The following CSMD3 variants were observed in gnomAD, a reference collection of about 807,000 sequenced individuals.
CSMD3 encodes CUB and Sushi multiple domains 3.
In CSMD3, 177 loss-of-function variants were observed where a neutral mutation model predicts 435.2. That is an observed-to-expected ratio of 0.41 (90% CI 0.36 to 0.46). The LOEUF (loss-of-function observed/expected upper bound fraction) is 0.46, where lower values mean the gene tolerates loss of function less well. Ranked by LOEUF, CSMD3 falls within the 20% of genes least tolerant of loss-of-function variation. The pLI, the probability that CSMD3 is intolerant of heterozygous loss-of-function variation, is 0.34. For synonymous variants in CSMD3, 1,656 were observed against 1,520.5 expected, an observed-to-expected ratio of 1.09 and a Z score of -2.07; for missense variants, 4,265 against 4,504.6, an observed-to-expected ratio of 0.95 and a Z score of 1.52.
chr8:112,569,470 C>A (rs1406503363), intron 24 of CSMD3, among the ~76,000 whole-genome samples: 1 of 152,104 alleles, frequency 6.6e-6, no homozygotes, highest in Admixed American at 6.6e-5. Flanking sequence ...CTATACTTAG[C>A]AATTACATAA....
At chr8:112,489,099 C>A (rs180739590) in intron 31 of CSMD3, among the ~76,000 whole-genome samples, 140 of 152,194 alleles carry the variant, frequency 9.2e-4, no homozygotes, top group African/African-American at 3.3e-3. Flanking sequence ...ATTACACATA[C>A]TTTAAATACT....
intron 27 of CSMD3, chr8:112,539,360 T>G (rs1160983372): frequency 6.6e-6 from 1 of 152,072 alleles, no homozygotes; most frequent in Non-Finnish European, 1.5e-5. Flanking sequence ...CAGAGTTCAT[T>G]TTTTTATTTA....
intron 13 of CSMD3, among the ~76,000 whole-genome samples, chr8:112,710,137 A>T (rs898753698): frequency 1.3e-5 from 2 of 152,106 alleles, no homozygotes; most frequent in Non-Finnish European, 2.9e-5. Flanking sequence ...CCATAAAGAT[A>T]TGGGGTTTAT....
intron 69 of CSMD3, among the ~76,000 whole-genome samples, chr8:112,230,471 T>C (rs1812982092): frequency 1.3e-5 from 2 of 152,310 alleles, no homozygotes; most frequent in East Asian, 3.9e-4. Context: ...AGTACTGCTA[T>C]GTAAAAGTTC....
intron 11 of CSMD3, among the ~76,000 whole-genome samples, chr8:112,832,712 C>A (rs2079910363): frequency 1.3e-5 from 2 of 152,092 alleles, no homozygotes; most frequent in South Asian, 4.1e-4. Flanking sequence ...TTTGATTTCA[C>A]CCCGGTACAA....
chr8:112,992,558 T>C (rs540137204), intron 6 of CSMD3, among the ~76,000 whole-genome samples: 1 of 151,712 alleles, frequency 6.6e-6, no homozygotes, highest in African/African-American at 2.4e-5. Context: ...GGCATAACTT[T>C]CCACGCAGAA....
intron 1 of CSMD3, among the ~76,000 whole-genome samples, chr8:113,424,699 T>C (rs1402743320): frequency 6.6e-6 from 1 of 151,504 alleles, no homozygotes; most frequent in African/African-American, 2.4e-5. Context: ...ATAAACTAGT[T>C]AATATCAGTT....
intron 35 of CSMD3, among the ~76,000 whole-genome samples, chr8:112,405,246 T>TATATATATATATATATATACACAC (rs1199452249): frequency 1.2e-5 from 1 of 81,530 alleles, no homozygotes; most frequent in African/African-American, 5.3e-5. Flanking sequence ...TATATATATA[T>TATATATATATATATATATACACAC]ACATATATAT....
chr8:113,231,783 T>C (rs546225277), intron 3 of CSMD3, among the ~76,000 whole-genome samples: 1 of 151,588 alleles, frequency 6.6e-6, no homozygotes, highest in East Asian at 1.9e-4. Flanking sequence ...TAAATACCTT[T>C]TCCCTAAAAA....
chr8:112,801,053 A>G (rs1363392218), intron 12 of CSMD3, among the ~76,000 whole-genome samples: 1 of 152,052 alleles, frequency 6.6e-6, no homozygotes, highest in Non-Finnish European at 1.5e-5. Flanking sequence ...AGGAAAGAGG[A>G]AAAAATGGAT....
intron 20 of CSMD3, 119 bp downstream of exon 20, chr8:112,644,990 T>C (rs2074939262): frequency 1.3e-6 from 1 of 744,596 alleles, no homozygotes; most frequent in Non-Finnish European, 2.5e-6. Context: ...TGTTTTAGCA[T>C]ATTGTAGTAC....
intron 13 of CSMD3, among the ~76,000 whole-genome samples, chr8:112,759,785 T>G (rs1385615221): frequency 3.3e-5 from 5 of 152,120 alleles, no homozygotes; most frequent in African/African-American, 1.2e-4. Context: ...GTAATTTTCT[T>G]TGTCAGAATA....
At chr8:113,101,984 T>C (rs2090344230) in intron 4 of CSMD3, among the ~76,000 whole-genome samples, 1 of 152,056 alleles carries the variant, frequency 6.6e-6, no homozygotes, top group Non-Finnish European at 1.5e-5. Context: ...CCTAAGTCAA[T>C]TTAAAAAGAA....
In CSMD3 at chr8:113,370,707, C is replaced by T. The variant is rs181083973; in HGVS notation, c.179-55914G>A. ...TACTATTCATTTCTCAGTTATTTTA[C>T]TTCTCTGGCAATAAATCTCTTCCAT... On this transcript the variant is annotated intron_variant, in intron 1 of 70. Coordinates refer to ENST00000297405, the MANE Select transcript of CSMD3 (RefSeq NM_198123.2). Among the ~76,000 whole-genome samples the T allele has an allele frequency of 2.4e-3, 370 of 151,988 alleles. 2 individuals are homozygous for T. Among genetic ancestry groups the T allele is most frequent in the African/African-American group, 8.6e-3 (358 of 41,520 alleles).
At chr8:112,441,527 C>T (rs1213270076) in intron 32 of CSMD3, among the ~76,000 whole-genome samples, 1 of 152,168 alleles carries the variant, frequency 6.6e-6, no homozygotes, top group Non-Finnish European at 1.5e-5. Flanking sequence ...CAGCACACCA[C>T]TCTTTGTAGT....
chr8:112,851,480 C>T (rs758868106), intron 11 of CSMD3, among the ~76,000 whole-genome samples: 10 of 151,886 alleles, frequency 6.6e-5, no homozygotes, highest in Admixed American at 5.9e-4. Context: ...TATAAAGGAC[C>T]TTTGAGCCGG....
At chr8:113,117,733 G>A (rs1028739287) in intron 4 of CSMD3, among the ~76,000 whole-genome samples, 1 of 152,226 alleles carries the variant, frequency 6.6e-6, no homozygotes, top group African/African-American at 2.4e-5. Flanking sequence ...GGCCATGGGA[G>A]CCCACCTCTT....
chr8:112,442,969 T>C (rs1378654913), intron 32 of CSMD3, among the ~76,000 whole-genome samples: 1 of 152,200 alleles, frequency 6.6e-6, no homozygotes, highest in Non-Finnish European at 1.5e-5. Flanking sequence ...TTCTGTTTTG[T>C]TTAACCCACT....
intron 1 of CSMD3, among the ~76,000 whole-genome samples, chr8:113,414,747 G>T (rs1470342400): frequency 6.6e-6 from 1 of 151,236 alleles, no homozygotes; most frequent in East Asian, 1.9e-4. Flanking sequence ...GACAGCTTGA[G>T]CTCAGGCATT....
Sources: allele counts gnomAD v4.1 joint callset (sites outside exome capture counted in the v4.1 genomes callset), GRCh38; gene constraint gnomAD v4.1.1; transcripts MANE v1.5; gene names NCBI Gene and HGNC (gene_info 2026-07-23, HGNC 2026-07-21).